Variants in RALYL observed in about 807,000 individuals in gnomAD.
RALYL encodes the protein RNA-binding Raly-like protein.
RALYL carries 29 observed loss-of-function variants against 35.1 expected under a neutral mutation model. The ratio of observed to expected loss-of-function variants is 0.83; its 90% CI spans 0.61 to 1.13. The LOEUF (loss-of-function observed/expected upper bound fraction) is 1.13. RALYL is among the 50% of genes most tolerant of loss of function. The probability of loss-of-function intolerance (pLI) is 0.00; values close to 1 mark genes in which losing one functional copy is unlikely to be tolerated. For missense variants in RALYL, 359 were observed against 360.4 expected (o/e 1.00, Z 0.03); for synonymous variants, 120 against 127.6 (o/e 0.94, Z 0.40).
intron 2 of RALYL, among the ~76,000 whole-genome samples, chr8:84,611,163 A>C (rs986235233): frequency 1.3e-5 from 2 of 152,144 alleles, no homozygotes. Context: ...TAAAAGTGGT[A>C]TAATAAGATG....
intron 2 of RALYL, among the ~76,000 whole-genome samples, 159 bp downstream of exon 2, chr8:84,529,736 T>C (rs1344040334): frequency 6.6e-6 from 1 of 152,218 alleles, no homozygotes; most frequent in East Asian, 1.9e-4. Context: ...CATATTGTTT[T>C]GTATATAGGT....
chr8:84,599,448 CA>C (rs1480082971), intron 2 of RALYL, among the ~76,000 whole-genome samples: 1 of 151,598 alleles, frequency 6.6e-6, no homozygotes, highest in Admixed American at 6.6e-5. Flanking sequence ...TTTTGTAAGT[CA>C]AAAAACAATA....
intron 2 of RALYL, among the ~76,000 whole-genome samples, chr8:84,657,243 A>G (rs1389800380): frequency 1.3e-5 from 2 of 152,302 alleles, no homozygotes; most frequent in East Asian, 3.9e-4. Context: ...TTTAAAAACC[A>G]TCCGGAACTG....
At chr8:84,771,392 CAT>C (rs1487118667) in intron 2 of RALYL, among the ~76,000 whole-genome samples, 1 of 151,992 alleles carries the variant, frequency 6.6e-6, no homozygotes. Flanking sequence ...GTATGGTACA[CAT>C]GTGTAAAAGG....
At chr8:84,198,998 G>T (rs1454851952) in intron 1 of RALYL, among the ~76,000 whole-genome samples, 1 of 152,074 alleles carries the variant, frequency 6.6e-6, no homozygotes, top group Non-Finnish European at 1.5e-5. Context: ...TCTTTCTTTT[G>T]GGTATATACT....
At chr8:84,337,094 A>C (rs1847938154) in intron 1 of RALYL, among the ~76,000 whole-genome samples, 1 of 151,196 alleles carries the variant, frequency 6.6e-6, no homozygotes, top group Admixed American at 6.6e-5. Context: ...ATTATGGAAA[A>C]GGGTTAATCA....
intron 4 of RALYL, among the ~76,000 whole-genome samples, chr8:84,838,466 A>T (rs1334277858): frequency 6.6e-6 from 1 of 152,188 alleles, no homozygotes; most frequent in Non-Finnish European, 1.5e-5. Flanking sequence ...ATAGCTTATG[A>T]CCTGAGCCAA....
intron 2 of RALYL, among the ~76,000 whole-genome samples, chr8:84,704,565 GA>G (rs35560080): frequency 6.6e-6 from 1 of 150,954 alleles, no homozygotes; most frequent in African/African-American, 2.4e-5. Context: ...TACATCTCTG[GA>G]AAAAAAATGA....
chr8:84,674,012 A>G (rs1335792939), intron 2 of RALYL, among the ~76,000 whole-genome samples: 2 of 152,162 alleles, frequency 1.3e-5, no homozygotes, highest in African/African-American at 4.8e-5. Context: ...GTCCATGAAT[A>G]TGGGATTTTT....
intron 2 of RALYL, among the ~76,000 whole-genome samples, chr8:84,636,605 A>C (rs1166354863): frequency 6.6e-6 from 1 of 151,598 alleles, no homozygotes; most frequent in Non-Finnish European, 1.5e-5. Context: ...ATAACACCAC[A>C]CTTTCTCCTT....
intron 4 of RALYL, among the ~76,000 whole-genome samples, chr8:84,844,538 G>T (rs58900493): frequency 1.3e-5 from 2 of 152,166 alleles, no homozygotes; most frequent in East Asian, 3.9e-4. Flanking sequence ...AAACTAGTTC[G>T]ACCATTGTGG....
chr8:84,884,949 G>A (rs1484251174), intron 7 of RALYL, among the ~76,000 whole-genome samples: 1 of 152,042 alleles, frequency 6.6e-6, no homozygotes, highest in Non-Finnish European at 1.5e-5. Flanking sequence ...AGGAGGAAGA[G>A]TGGGGGGCCA....
chr8:84,575,590 C>T (rs1023609627), intron 2 of RALYL, among the ~76,000 whole-genome samples: 10 of 152,116 alleles, frequency 6.6e-5, no homozygotes, highest in Non-Finnish European at 1.3e-4. Flanking sequence ...AGCAAAGGCT[C>T]ATTCTTAATG....
chr8:84,387,341 C>T (rs2131702545), intron 1 of RALYL, among the ~76,000 whole-genome samples: 1 of 151,966 alleles, frequency 6.6e-6, no homozygotes, highest in Admixed American at 6.6e-5. Flanking sequence ...ATCAAATCTT[C>T]TCATCTTGTG....
At chr8:84,258,965 A>G (rs1831715495) in intron 1 of RALYL, among the ~76,000 whole-genome samples, 1 of 152,168 alleles carries the variant, frequency 6.6e-6, no homozygotes, top group South Asian at 2.1e-4. Context: ...GAAAGACATT[A>G]ATTTATTGAT....
chr8:84,689,483 G>A (rs971956542), intron 2 of RALYL, among the ~76,000 whole-genome samples: 1 of 152,118 alleles, frequency 6.6e-6, no homozygotes, highest in African/African-American at 2.4e-5. Flanking sequence ...ATCATTGTTG[G>A]ACATTTGGCT....
At chr8:84,646,875 T>C (rs987197923) in intron 2 of RALYL, among the ~76,000 whole-genome samples, 3 of 152,086 alleles carry the variant, frequency 2.0e-5, no homozygotes, top group Non-Finnish European at 4.4e-5. Flanking sequence ...GTTCAGCATT[T>C]TGGTATTTGT....
intron 1 of RALYL, among the ~76,000 whole-genome samples, chr8:84,272,091 T>C (rs1834413225): frequency 6.6e-6 from 1 of 151,914 alleles, no homozygotes; most frequent in African/African-American, 2.4e-5. Flanking sequence ...CTTTGTTTTG[T>C]TTTATTTTTG....
intron 1 of RALYL, among the ~76,000 whole-genome samples, chr8:84,449,927 A>G (rs2133161961): frequency 6.6e-6 from 1 of 152,032 alleles, no homozygotes; most frequent in South Asian, 2.1e-4. Flanking sequence ...GTAGACTAAG[A>G]AATCTATAAT....
Sources: gnomAD v4.1 joint callset for allele counts (sites outside exome capture counted in the v4.1 genomes callset) on GRCh38, gnomAD v4.1.1 for gene constraint, MANE v1.5 for transcripts, NCBI Gene and HGNC (gene_info 2026-07-23, HGNC 2026-07-21) for gene names.